Variants in LIX1 observed in about 807,000 individuals in gnomAD.
LIX1 encodes protein limb expression 1 homolog.
A neutral mutation model predicts 33.4 loss-of-function variants in LIX1; 24 were observed. The ratio of observed to expected loss-of-function variants is 0.72; its 90% confidence interval spans 0.52 to 1.01. The LOEUF is 1.01. Among genes scored for constraint, LIX1 ranks in the 50% least tolerant of loss-of-function variants. LIX1 has a pLI of 0.00. For missense variants in LIX1, 311 were observed against 339.2 expected, an observed-to-expected ratio of 0.92 and a Z score of 0.65; for synonymous variants, 124 against 124.0, an observed-to-expected ratio of 1.00 and a Z score of 0.00.
At chr5:97,126,806 A>AT (rs1458437979) in intron 1 of LIX1, among the ~76,000 whole-genome samples, 3 of 151,406 alleles carry the variant, frequency 2.0e-5, no homozygotes, top group Admixed American at 2.0e-4. Flanking sequence ...CGCCCAGCTA[A>AT]TTTTTTTGTA....
chr5:97,134,919 G>C (rs1332840236), intron 1 of LIX1, among the ~76,000 whole-genome samples: 2 of 152,296 alleles, frequency 1.3e-5, no homozygotes, highest in East Asian at 3.9e-4. Context: ...GAGACAGCTT[G>C]GAGTCTTGCT....
chr5:97,107,450 C>G lies in LIX1; in HGVS notation c.297G>C (p.Leu99=), dbSNP rs1462499387. The part of the protein sequence containing the change: ...EARRDAAKVA[L]INSLFNELPS... ...GCAGCTCATTGAAGAGGGAGTTGAT[C>G]AGGGCCACTTTAGCTGCATCCCGCC... Residue 99 remains leucine (L), a synonymous_variant, in exon 3 of 6, where the codon CTG becomes CTC. Transcript: ENST00000274382. 1 of 1,613,480 alleles carries G rather than the reference C, an allele frequency of 6.2e-7. No individual in the cohort carries two copies. Among genetic ancestry groups the G allele is most frequent in the Non-Finnish European group, 8.5e-7 (1 of 1,180,010 alleles).
At chr5:97,114,965 A>G (rs1747598377) in intron 2 of LIX1, among the ~76,000 whole-genome samples, 1 of 152,196 alleles carries the variant, frequency 6.6e-6, no homozygotes, top group African/African-American at 2.4e-5. Flanking sequence ...CCCAAGAGTC[A>G]AGGAAAGTAG....
intron 4 of LIX1, among the ~76,000 whole-genome samples, chr5:97,098,736 T>C (rs773802528): frequency 6.6e-6 from 1 of 152,128 alleles, no homozygotes; most frequent in Non-Finnish European, 1.5e-5. Context: ...ACAAAAAAGC[T>C]GACTTCAATT....
At chr5:97,111,741 C>T (rs1747406041) in intron 2 of LIX1, among the ~76,000 whole-genome samples, 1 of 152,094 alleles carries the variant, frequency 6.6e-6, no homozygotes, top group Admixed American at 6.5e-5. Flanking sequence ...ATAAAAGAAG[C>T]TATCTATTTT....
chr5:97,126,473 T>C (rs1011477130), intron 1 of LIX1, among the ~76,000 whole-genome samples: 1 of 152,142 alleles, frequency 6.6e-6, no homozygotes, highest in African/African-American at 2.4e-5. Flanking sequence ...CTGCAGTGTT[T>C]AGTAATTTAA....
intron 2 of LIX1, among the ~76,000 whole-genome samples, chr5:97,120,001 C>T (rs1747740621): frequency 6.6e-6 from 1 of 152,050 alleles, no homozygotes; most frequent in Admixed American, 6.6e-5. Context: ...GTGAGTACTG[C>T]CAGATCTTGG....
At chr5:97,115,628 G>C (rs905922540) in intron 2 of LIX1, among the ~76,000 whole-genome samples, 1 of 152,038 alleles carries the variant, frequency 6.6e-6, no homozygotes, top group Admixed American at 6.6e-5. Flanking sequence ...TCACACATGT[G>C]TTTTAAAGAC....
chr5:97,120,067 C>T lies in LIX1; in HGVS notation c.246+4399G>A, dbSNP rs1373157784. On this transcript the variant is annotated intron_variant, in intron 2 of 5. Coordinates refer to ENST00000274382, the MANE Select transcript of LIX1 (RefSeq NM_153234.5). The stretch of plus-strand genomic sequence containing the variant: ...AAAAGTTGCTATGCATAAATTAAAT[C>T]CAGAGAGAATCATAAGATATTTTTA... Among the ~76,000 whole-genome samples the T allele has an allele frequency of 3.3e-5, 5 of 152,168 alleles. No homozygotes were observed. The East Asian group carries it at 9.6e-4, about 29-fold the overall frequency.
chr5:97,107,714 G>T (rs933063642), intron 2 of LIX1, among the ~76,000 whole-genome samples: 1 of 152,106 alleles, frequency 6.6e-6, no homozygotes, highest in Non-Finnish European at 1.5e-5. Context: ...ATTACTTATT[G>T]TCTTATTTTA....
chr5:97,100,018 G>C (rs561513899), intron 4 of LIX1, among the ~76,000 whole-genome samples: 3 of 152,142 alleles, frequency 2.0e-5, no homozygotes, highest in Non-Finnish European at 4.4e-5. Context: ...TTGCTAACAG[G>C]GCTCTTAATT....
chr5:97,125,131 C>T (rs776598640), intron 1 of LIX1, among the ~76,000 whole-genome samples: 1 of 152,126 alleles, frequency 6.6e-6, no homozygotes, highest in Non-Finnish European at 1.5e-5. Flanking sequence ...CCTTCCACCC[C>T]AGTCTAAACG....
In LIX1 at chr5:97,092,542, CTT is replaced by C. The variant is rs1746129721; in HGVS notation, c.*2204_*2205del. On this transcript the variant is annotated 3_prime_UTR_variant, in exon 6 of 6. Coordinates refer to ENST00000274382, the MANE Select transcript of LIX1 (RefSeq NM_153234.5). ...TTAAAGGGACCAGCAAAGATTCTGA[CTT>C]TTATTTATTTTGCTGAAGCTTTCAT... is the stretch of plus-strand genomic sequence containing the variant. 1 of 152,408 alleles carries C rather than the reference CTT, an allele frequency of 6.6e-6. No individual in the cohort carries two copies. Among genetic ancestry groups the C allele is most frequent in the South Asian group, 2.1e-4 (1 of 4,824 alleles). The allele number at this position is 152,408 out of a possible 1,614,324, so 9.4% of individuals were successfully genotyped here.
intron 2 of LIX1, among the ~76,000 whole-genome samples, chr5:97,108,026 A>G (rs1284533807): frequency 6.6e-6 from 1 of 152,220 alleles, no homozygotes; most frequent in African/African-American, 2.4e-5. Context: ...CCTCCTCTAT[A>G]AAATGGGAAT....
chr5:97,137,273 C>A, intron 1 of LIX1: 2 of 282,138 alleles, frequency 7.1e-6, no homozygotes, highest in Non-Finnish European at 1.4e-5. Context: ...CAGATTTGAT[C>A]TCACAGGATA....
At chr5:97,116,732 C>T (rs532056926) in intron 2 of LIX1, among the ~76,000 whole-genome samples, 7 of 151,658 alleles carry the variant, frequency 4.6e-5, no homozygotes, top group Non-Finnish European at 7.4e-5. Flanking sequence ...GTAGACAAGA[C>T]GAATTGATCA....
chr5:97,109,519 G>A (rs1040113336), intron 2 of LIX1, among the ~76,000 whole-genome samples: 1 of 152,176 alleles, frequency 6.6e-6, no homozygotes. Flanking sequence ...CTCCCAAAGT[G>A]CTGGGATTAC....
rs542152557 is a variant in LIX1 at position 97,132,231 on chromosome 5, G to A, written c.83-7602C>T. ...AAATCCAAGACGGGTCTCTGCCCACGGAGATTTACAATCCGACTGGGGAAA... is the reference window on the plus strand; with the variant it reads ...AAATCCAAGACGGGTCTCTGCCCACAGAGATTTACAATCCGACTGGGGAAA... On this transcript the variant is annotated intron_variant, in intron 1 of 5. Coordinates refer to ENST00000274382, the MANE Select transcript of LIX1 (RefSeq NM_153234.5). Among the ~76,000 whole-genome samples the A allele has an allele frequency of 8.1e-4, 123 of 152,236 alleles. No individual in the cohort carries two copies. In the Middle Eastern group the frequency reaches 0.014, roughly 17 times the overall value.
chr5:97,107,355 C>T lies in LIX1; in HGVS notation c.387+5G>A, dbSNP rs1341976903. 6.2e-7 allele frequency: 1 copy of T among 1,611,856 alleles called. No homozygotes were observed. Among genetic ancestry groups the T allele is most frequent in the Admixed American group, 1.7e-5 (1 of 59,978 alleles). On this transcript the variant is annotated splice_donor_5th_base_variant and intron_variant, in intron 3 of 5. Coordinates refer to ENST00000274382, the MANE Select transcript of LIX1 (RefSeq NM_153234.5). Reference sequence around the variant, plus strand: ...CATCTCCTGCCCTCCATGGTGGGTACTCACGCTGGTGGAGGCTACTGCTTC... The same window carrying T: ...CATCTCCTGCCCTCCATGGTGGGTATTCACGCTGGTGGAGGCTACTGCTTC...
Sources: allele counts gnomAD v4.1 joint callset (sites outside exome capture counted in the v4.1 genomes callset), GRCh38; gene constraint gnomAD v4.1.1; transcripts MANE v1.5; gene names NCBI Gene and HGNC (gene_info 2026-07-23, HGNC 2026-07-21).